Variants in ACOT13 observed in about 807,000 individuals in gnomAD.
The protein encoded by ACOT13 is acyl-coenzyme A thioesterase 13.
Under a neutral mutation model 11.8 loss-of-function variants are expected in ACOT13, and 10 were observed. That is an observed-to-expected ratio of 0.85 (90% confidence interval 0.53 to 1.44). The LOEUF is 1.44. ACOT13 is among the 40% of genes most tolerant of loss of function. ACOT13 has a pLI of 0.00. For missense variants in ACOT13, 172 were observed against 174.1 expected (o/e 0.99, Z 0.07); for synonymous variants, 53 against 61.0 (o/e 0.87, Z 0.61).
At chr6:24,674,027 A>C (rs909339244) in intron 1 of ACOT13, among the ~76,000 whole-genome samples, 2 of 152,176 alleles carry the variant, frequency 1.3e-5, no homozygotes, top group Non-Finnish European at 2.9e-5. Context: ...TGTTGTATAC[A>C]TAACCTTTAA....
At chr6:24,679,793 T>C (rs1447190194) in intron 1 of ACOT13, among the ~76,000 whole-genome samples, 1 of 152,230 alleles carries the variant, frequency 6.6e-6, no homozygotes, top group Non-Finnish European at 1.5e-5. Flanking sequence ...ACATTATATC[T>C]CTCCACATCA....
intron 1 of ACOT13, among the ~76,000 whole-genome samples, chr6:24,681,175 C>A (rs533082828): frequency 1.3e-5 from 1 of 75,036 alleles, no homozygotes; most frequent in East Asian, 4.9e-4. Flanking sequence ...TAGTAAGCTA[C>A]CTTTTTGCTT....
In ACOT13 at chr6:24,704,339, A is replaced by C. The variant is rs1778953611; in HGVS notation, c.*2724A>C. ...TTTTCTAAATTATTCCAAAATAAAAACGTAAACAATGGCTGCCAAAATGCC... is the reference window on the plus strand; with the variant it reads ...TTTTCTAAATTATTCCAAAATAAAACCGTAAACAATGGCTGCCAAAATGCC... On this transcript the variant is annotated 3_prime_UTR_variant, in exon 3 of 3. Transcript: ENST00000230048. 1 of 152,240 alleles carries C rather than the reference A, an allele frequency of 6.6e-6. No homozygotes were observed. The highest frequency in any genetic ancestry group is 1.5e-5 in the Non-Finnish European group (1 of 68,032). The allele number at this position is 152,240 out of a possible 1,614,324, so 9.4% of individuals were successfully genotyped here.
intron 2 of ACOT13, among the ~76,000 whole-genome samples, chr6:24,700,505 G>A (rs905119728): frequency 1.7e-4 from 24 of 139,900 alleles, no homozygotes; most frequent in African/African-American, 6.1e-4. Flanking sequence ...GCGCGATCTC[G>A]GCTCACTGCA....
At chr6:24,694,350 C>T (rs1778762994) in intron 1 of ACOT13, among the ~76,000 whole-genome samples, 1 of 152,118 alleles carries the variant, frequency 6.6e-6, no homozygotes, top group Admixed American at 6.6e-5. Context: ...TGTAGCAGTC[C>T]AGGTGATATT....
At chr6:24,673,778 C>T (rs1249445778) in intron 1 of ACOT13, among the ~76,000 whole-genome samples, 2 of 152,160 alleles carry the variant, frequency 1.3e-5, no homozygotes, top group Admixed American at 6.6e-5. Context: ...CTAGAAAGAG[C>T]ATTATAATTT....
chr6:24,670,612 G>A (rs1489901879), intron 1 of ACOT13, among the ~76,000 whole-genome samples: 1 of 152,168 alleles, frequency 6.6e-6, no homozygotes, highest in Non-Finnish European at 1.5e-5. Flanking sequence ...CTGCACTTAT[G>A]CAAATAACTG....
rs1231251026 is a variant in ACOT13 at position 24,702,770 on chromosome 6, G to C, written c.*1155G>C. ...TAGTGTTACAGGAAATGGTCCAATAGAGGGGGAAGAAAAAAAGCATGCTAC... is the reference window on the plus strand; with the variant it reads ...TAGTGTTACAGGAAATGGTCCAATACAGGGGGAAGAAAAAAAGCATGCTAC... On this transcript the variant is annotated 3_prime_UTR_variant, in exon 3 of 3. Coordinates refer to ENST00000230048, the MANE Select transcript of ACOT13 (RefSeq NM_018473.4). 1 of 152,136 alleles carries C rather than the reference G, an allele frequency of 6.6e-6. No individual in the cohort carries two copies. Among genetic ancestry groups the C allele is most frequent in the Non-Finnish European group, 1.5e-5 (1 of 68,022 alleles). 9.4% of individuals were successfully genotyped at this position (152,136 alleles called of 1,614,324 possible).
chr6:24,671,261 A>C (rs1778359108), intron 1 of ACOT13, among the ~76,000 whole-genome samples: 2 of 152,128 alleles, frequency 1.3e-5, no homozygotes. Context: ...ACACATATAC[A>C]CGATGGAATA....
chr6:24,683,990 T>C (rs958845468), intron 1 of ACOT13, among the ~76,000 whole-genome samples: 7 of 151,564 alleles, frequency 4.6e-5, no homozygotes, highest in African/African-American at 1.7e-4. Flanking sequence ...GTTTAGGGGG[T>C]TTCATAAATG....
At chr6:24,687,578 G>A (rs2127625616) in intron 1 of ACOT13, 1 of 1,454,742 alleles carries the variant, frequency 6.9e-7, no homozygotes, top group Non-Finnish European at 9.1e-7. Flanking sequence ...ACCTGAATGA[G>A]ATGTCAAGAG....
intron 1 of ACOT13, among the ~76,000 whole-genome samples, chr6:24,690,036 G>GA (rs1310803821): frequency 6.6e-6 from 1 of 152,104 alleles, no homozygotes. Context: ...ACAGCACTAA[G>GA]AAAAAACTGT....
chr6:24,679,069 G>A (rs1448095702), intron 1 of ACOT13, among the ~76,000 whole-genome samples: 2 of 152,214 alleles, frequency 1.3e-5, no homozygotes, highest in Non-Finnish European at 2.9e-5. Context: ...GGGCATGGAC[G>A]AGGGGGCAGC....
rs1374138928 is a variant in ACOT13 at position 24,667,354 on chromosome 6, A to T, written c.81+10A>T. 3.1e-6 allele frequency: 5 copies of T among 1,613,568 alleles called. No individual in the cohort carries two copies. The highest frequency in any genetic ancestry group is 1.3e-5 in the African/African-American group (1 of 74,918). On this transcript the variant is annotated intron_variant, in intron 1 of 2. Transcript: ENST00000230048. ...GAGAGTTTTGGGAAAGGTATGGGAAAGGTAGGGGAGAAGCCGTGGCTTCTA... is the reference window on the plus strand; with the variant it reads ...GAGAGTTTTGGGAAAGGTATGGGAATGGTAGGGGAGAAGCCGTGGCTTCTA...
At chr6:24,701,052 T>C (rs1778884644) in intron 2 of ACOT13, 1 of 153,310 alleles carries the variant, frequency 6.5e-6, no homozygotes, top group South Asian at 2.1e-4. Flanking sequence ...CTTATAGTTG[T>C]TATATTGTCA....
intron 2 of ACOT13, among the ~76,000 whole-genome samples, chr6:24,699,261 G>C (rs935696663): frequency 1.3e-5 from 2 of 149,050 alleles, no homozygotes; most frequent in Non-Finnish European, 3.0e-5. Context: ...CCAGGCTGGA[G>C]TGCAGTGGTG....
chr6:24,681,819 G>C (rs1472882849), intron 1 of ACOT13, among the ~76,000 whole-genome samples: 2 of 152,192 alleles, frequency 1.3e-5, no homozygotes, highest in Admixed American at 6.5e-5. Context: ...AGGAGGCAGG[G>C]ATCAGAGGAA....
intron 2 of ACOT13, 141 bp from the exon 3 acceptor site, chr6:24,701,318 A>G (rs1328183358): frequency 4.9e-6 from 3 of 608,968 alleles, no homozygotes; most frequent in African/African-American, 3.8e-5. Context: ...TTCACATTTG[A>G]TAGTACAGAA....
chr6:24,698,815 T>C (rs1434741371), intron 2 of ACOT13, among the ~76,000 whole-genome samples: 1 of 152,032 alleles, frequency 6.6e-6, no homozygotes, highest in African/African-American at 2.4e-5. Context: ...TTTTTGTGTT[T>C]TTAGTAAAGA....
Sources: gnomAD v4.1 joint callset for allele counts (sites outside exome capture counted in the v4.1 genomes callset) on GRCh38, gnomAD v4.1.1 for gene constraint, MANE v1.5 for transcripts, NCBI Gene and HGNC (gene_info 2026-07-23, HGNC 2026-07-21) for gene names.